The following BFAR variants were observed in gnomAD, a reference collection of about 807,000 sequenced individuals.
BFAR encodes the protein bifunctional apoptosis regulator, also known as RING finger protein 47.
BFAR carries 52 observed loss-of-function variants against 54.4 expected under a neutral mutation model. That is an observed-to-expected ratio of 0.96 (90% confidence interval 0.77 to 1.21). BFAR has a LOEUF of 1.21. Ranked by LOEUF, BFAR falls within the 50% of genes most tolerant of loss-of-function variation. The probability of loss-of-function intolerance (pLI) is 0.00; values close to 1 mark genes in which losing one functional copy is unlikely to be tolerated. For synonymous variants in BFAR, 215 were observed against 204.3 expected, an observed-to-expected ratio of 1.05 and a Z score of -0.45; for missense variants, 571 against 534.0, an observed-to-expected ratio of 1.07 and a Z score of -0.68.
Position 14,648,497 on chromosome 16 carries a change from G to C in BFAR, c.373G>C (p.Asp125His). Reference protein sequence around the residue: ...SLAAFQKYGNDQIPLAPNTGR... With the variant: ...SLAAFQKYGNHQIPLAPNTGR... ...TGCAGCCTTTCAGAAATATGGGAAT[G>C]ATCAGATTCCTTTAGCTCCTAACAC... The change falls in exon 3 of 8, where the codon GAT (aspartate) becomes CAT (histidine). Residue 125 changes from aspartate (D) to histidine (H), a missense_variant. Asp to His is a moderately conservative substitution (Grantham distance 81, BLOSUM62 -1). Transcript: ENST00000261658. The C allele has an allele frequency of 1.2e-6, 2 of 1,613,786 alleles. No homozygotes were observed. The highest frequency in any genetic ancestry group is 1.3e-5 in the African/African-American group (1 of 75,052).
intron 1 of BFAR, among the ~76,000 whole-genome samples, chr16:14,634,678 A>T (rs1959377184): frequency 6.6e-6 from 1 of 152,164 alleles, no homozygotes; most frequent in African/African-American, 2.4e-5. Flanking sequence ...AAATTTTTTT[A>T]AAGTAAACCT....
chr16:14,644,589 C>T lies in BFAR; in HGVS notation c.243C>T (p.Pro81=). The T allele has an allele frequency of 1.2e-5, 19 of 1,613,198 alleles. No individual in the cohort carries two copies. The highest frequency in any genetic ancestry group is 1.6e-5 in the Non-Finnish European group (19 of 1,179,934). Residue 81 remains proline, a synonymous_variant, in exon 2 of 8, where the codon CCC becomes CCT. Coordinates refer to ENST00000261658, the MANE Select transcript of BFAR (RefSeq NM_016561.3). ...PECREKWEGF[P]KVSILLRDAI... is the part of the protein sequence containing the mutation. ...GCAGAGAAAAATGGGAAGGTTTCCC[C>T]AAAGTCAGTATTCTCCTCAGGTAAT...
At chr16:14,655,727 A>C (rs1567492375) in intron 5 of BFAR, among the ~76,000 whole-genome samples, 1 of 152,108 alleles carries the variant, frequency 6.6e-6, no homozygotes, top group Non-Finnish European at 1.5e-5. Context: ...GGCGTCAGCC[A>C]CCGCGCCTGG....
At chr16:14,634,898 A>G (rs2151833507) in intron 1 of BFAR, among the ~76,000 whole-genome samples, 1 of 152,346 alleles carries the variant, frequency 6.6e-6, no homozygotes, top group South Asian at 2.1e-4. Flanking sequence ...CACAGAGACA[A>G]GAAAGATTAA....
rs1007167635 is a variant in BFAR, at chr16:14,667,896, A to G, written c.*69A>G. On this transcript the variant is annotated 3_prime_UTR_variant, in exon 8 of 8. Transcript: ENST00000261658. ...TGAGCTTTGATGCTTAAGAGGGGTGAGGCAGGGAGCGGACTTCCTATTTTC... is the reference window on the plus strand; with the variant it reads ...TGAGCTTTGATGCTTAAGAGGGGTGGGGCAGGGAGCGGACTTCCTATTTTC... 3 of 1,492,776 alleles carry G rather than the reference A, an allele frequency of 2.0e-6. No individual in the cohort carries two copies. Among genetic ancestry groups the G allele is most frequent in the Admixed American group, 1.8e-5 (1 of 54,212 alleles). The allele number at this position is 1,492,776 out of a possible 1,614,324, so 92.5% of individuals were successfully genotyped here. A position where few individuals can be genotyped will look rare whatever the true frequency, so the allele number is the denominator to read the frequency against.
intron 7 of BFAR, chr16:14,665,287 A>T: frequency 1.8e-6 from 1 of 559,288 alleles, no homozygotes; most frequent in Non-Finnish European, 3.2e-6. Flanking sequence ...GTATTTTCCT[A>T]TATGTCTTAT....
chr16:14,640,465 G>A (rs1056458648), intron 1 of BFAR, among the ~76,000 whole-genome samples: 1 of 151,630 alleles, frequency 6.6e-6, no homozygotes, highest in Non-Finnish European at 1.5e-5. Flanking sequence ...TTTTGTTTTT[G>A]TTTTTTTTCA....
In BFAR at chr16:14,668,745, G is replaced by A. The variant is rs1960512541; in HGVS notation, c.*918G>A. 6.4e-6 allele frequency: 1 copy of A among 155,912 alleles called. No homozygotes were observed. Among genetic ancestry groups the A allele is most frequent in the African/African-American group, 2.4e-5 (1 of 41,406 alleles). 9.7% of individuals were successfully genotyped at this position (155,912 alleles called of 1,614,324 possible). A position where few individuals can be genotyped will look rare whatever the true frequency, so the allele number is the denominator to read the frequency against. On this transcript the variant is annotated 3_prime_UTR_variant, in exon 8 of 8. Transcript: ENST00000261658. ...CCTGTAATCCCAGCTACTTGGAATTGGAAATCGCCTGAACCCAGGAGGCGG... is the reference window on the plus strand; with the variant it reads ...CCTGTAATCCCAGCTACTTGGAATTAGAAATCGCCTGAACCCAGGAGGCGG...
rs773364020 is a variant in BFAR at position 14,655,177 on chromosome 16, C to A, written c.750C>A (p.Gly250=). Residue 250 remains glycine, a synonymous_variant, in exon 5 of 8, where the codon GGC becomes GGA. Coordinates refer to ENST00000261658, the MANE Select transcript of BFAR (RefSeq NM_016561.3). ...AGCTAGAACGTGTCAAAGCATTAGG[C>A]GTGAAGCCCCCCCAGAATCTCTGGG... The part of the protein sequence containing the change: ...LMELERVKAL[G]VKPPQNLWEY... 5 of 1,564,342 alleles carry A rather than the reference C, an allele frequency of 3.2e-6. No homozygotes were observed. In the East Asian group the frequency reaches 9.3e-5, roughly 29 times the overall value.
chr16:14,665,259 T>G, intron 7 of BFAR, 188 bp downstream of exon 7: 1 of 612,896 alleles, frequency 1.6e-6, no homozygotes, highest in Admixed American at 3.0e-5. Flanking sequence ...GTGGGGGTTG[T>G]GGTGCTCATT....
chr16:14,640,514 T>C (rs970727575), intron 1 of BFAR, among the ~76,000 whole-genome samples: 13 of 151,716 alleles, frequency 8.6e-5, no homozygotes, highest in Non-Finnish European at 1.5e-5. Context: ...TCATATCAGA[T>C]TTTTTTTTGT....
chr16:14,642,146 C>T (rs1253620824), intron 1 of BFAR, among the ~76,000 whole-genome samples: 1 of 152,184 alleles, frequency 6.6e-6, no homozygotes, highest in Non-Finnish European at 1.5e-5. Flanking sequence ...CCTGCATGGC[C>T]AGTGTGGGCG....
chr16:14,666,163 G>A (rs1960435653), intron 7 of BFAR, among the ~76,000 whole-genome samples: 1 of 152,176 alleles, frequency 6.6e-6, no homozygotes, highest in Non-Finnish European at 1.5e-5. Context: ...GGGCTCACAT[G>A]CCTTTGTTCT....
rs558157855 is a variant in BFAR, at chr16:14,656,025, C to T, written c.783+815C>T. Among the ~76,000 whole-genome samples, 4 of 152,090 alleles carry T rather than the reference C, an allele frequency of 2.6e-5. No individual in the cohort carries two copies. The South Asian group carries it at 6.2e-4, about 24-fold the overall frequency. ...AGCAGTTTGAGACCAGCCTGGCCAA[C>T]GTGGTGAAACCCCGTCTCTACTAAA... On this transcript the variant is annotated intron_variant, in intron 5 of 7. Transcript: ENST00000261658.
chr16:14,664,886 G>A lies in BFAR; in HGVS notation c.975G>A (p.Thr325=), dbSNP rs145790811. The change falls in exon 7 of 8, where the codon ACG becomes ACA. Residue 325 remains threonine, a synonymous_variant. Coordinates refer to ENST00000261658, the MANE Select transcript of BFAR (RefSeq NM_016561.3). The stretch of plus-strand genomic sequence containing the variant: ...TTTTTAAGGATCTTAAGGAGCCTAC[G>A]TGGAAGCAGTGGAGAGAGTTCCTGG... ...VTKLLDLKEP[T]WKQWREFLVK... is the part of the protein sequence containing the mutation. 7.8e-4 allele frequency: 1,256 copies of A among 1,613,866 alleles called. 15 individuals carry two copies. The South Asian group carries it at 0.013, about 16-fold the overall frequency.
At chr16:14,634,978 A>T (rs1270850903) in intron 1 of BFAR, among the ~76,000 whole-genome samples, 1 of 152,212 alleles carries the variant, frequency 6.6e-6, no homozygotes, top group Admixed American at 6.5e-5. Flanking sequence ...CCAGTTGGAT[A>T]CTTTTGACCC....
At chr16:14,662,109 G>T (rs2151844232) in intron 6 of BFAR, 44 bp downstream of exon 6, 1 of 1,604,398 alleles carries the variant, frequency 6.2e-7, no homozygotes, top group Non-Finnish European at 8.5e-7. Flanking sequence ...CCACTGTCAA[G>T]TTATTTGCAG....
chr16:14,648,580 A>C lies in BFAR; in HGVS notation c.456A>C (p.Leu152Phe). The change falls in exon 3 of 8, where the codon TTA (leucine) becomes TTC (phenylalanine). Residue 152 changes from leucine (L) to phenylalanine (F), a missense_variant. Physicochemically the swap from Leu to Phe is conservative, Grantham distance 22 (BLOSUM62 0). Coordinates refer to ENST00000261658, the MANE Select transcript of BFAR (RefSeq NM_016561.3). Reference sequence around the variant, plus strand: ...TCTTTTCCGGTGTGCTCACAGCTTTAACTGGAGTGGCAGTAAGTTGATCAC... The same window carrying C: ...TCTTTTCCGGTGTGCTCACAGCTTTCACTGGAGTGGCAGTAAGTTGATCAC... ...GGFFSGVLTALTGVAVVLLVY... is the reference protein window; with the variant it reads ...GGFFSGVLTAFTGVAVVLLVY... 6.2e-7 allele frequency: 1 copy of C among 1,613,512 alleles called. No individual in the cohort carries two copies. The highest frequency in any genetic ancestry group is 8.5e-7 in the Non-Finnish European group (1 of 1,179,526).
intron 4 of BFAR, 140 bp from the exon 5 acceptor site, chr16:14,654,926 G>C (rs891130531): frequency 3.5e-6 from 3 of 862,580 alleles, no homozygotes; most frequent in Admixed American, 2.8e-5. Flanking sequence ...ATTATTTGCT[G>C]CTCTTGATGT....
Sources: allele counts gnomAD v4.1 joint callset (sites outside exome capture counted in the v4.1 genomes callset), GRCh38; gene constraint gnomAD v4.1.1; transcripts MANE v1.5; gene names NCBI Gene and HGNC (gene_info 2026-07-23, HGNC 2026-07-21).